MED27: variants seen among roughly 807,000 people sequenced by gnomAD.
MED27 encodes mediator of RNA polymerase II transcription subunit 27.
In MED27, 30 loss-of-function variants were observed where a neutral mutation model predicts 38.2. The observed-to-expected ratio is 0.79, with a 90% CI of 0.59 to 1.07. The LOEUF is 1.07. Ranked by LOEUF, MED27 falls within the 50% of genes least tolerant of loss-of-function variation. The pLI, the probability that MED27 is intolerant of heterozygous loss-of-function variation, is 0.00. For synonymous variants in MED27, 122 were observed against 153.5 expected, an observed-to-expected ratio of 0.79 and a Z score of 1.52; for missense variants, 289 against 397.5, an observed-to-expected ratio of 0.73 and a Z score of 2.32.
chr9:132,005,631 C>T (rs1018103478), intron 3 of MED27, among the ~76,000 whole-genome samples: 9 of 152,202 alleles, frequency 5.9e-5, no homozygotes, highest in African/African-American at 2.2e-4. Context: ...GTATCCCTCT[C>T]TTTTGGCAAC....
At position 132,014,404 on chromosome 9, in the gene MED27, T is replaced by G; in HGVS notation, c.412A>C (p.Asn138His). The G allele has an allele frequency of 6.2e-7, 1 of 1,613,840 alleles. No homozygotes were observed. The highest frequency in any genetic ancestry group is 8.5e-7 in the Non-Finnish European group (1 of 1,179,978). Residue 138 changes from asparagine to histidine, a missense_variant, in exon 3 of 8, where the codon AAT becomes CAT. By Grantham distance (68) the Asn-to-His change is moderately conservative. Transcript: ENST00000292035. ...CGTTTGGCAGATACTCCCATCTGAT[T>G]AGCGGAACGCTTCAATGACTGCTGA... ...LNQQSLKRSA[N>H]QMGVSAKRRP...
chr9:132,054,662 G>A (rs959703771), intron 2 of MED27, among the ~76,000 whole-genome samples: 3 of 151,920 alleles, frequency 2.0e-5, no homozygotes, highest in African/African-American at 4.8e-5. Flanking sequence ...CACTCGCCTC[G>A]GCCTCCCAAA....
intron 3 of MED27, among the ~76,000 whole-genome samples, chr9:131,995,398 A>C (rs930841596): frequency 1.3e-5 from 2 of 152,106 alleles, no homozygotes; most frequent in Admixed American, 6.6e-5. Context: ...CTAGTTGCTA[A>C]TGCCAAAAAA....
chr9:131,945,422 C>T (rs953532156), intron 3 of MED27, among the ~76,000 whole-genome samples: 1 of 152,048 alleles, frequency 6.6e-6, no homozygotes, highest in South Asian at 2.1e-4. Flanking sequence ...ACATATTTAG[C>T]ATTTTTGTGT....
chr9:131,903,055 T>TGA, intron 4 of MED27, among the ~76,000 whole-genome samples: 1 of 150,342 alleles, frequency 6.7e-6, no homozygotes, highest in Middle Eastern at 3.4e-3. Flanking sequence ...ATCTGAACCA[T>TGA]GAGAGTGCTG....
chr9:131,991,227 T>C (rs1176813986), intron 3 of MED27, among the ~76,000 whole-genome samples: 1 of 152,222 alleles, frequency 6.6e-6, no homozygotes, highest in Non-Finnish European at 1.5e-5. Flanking sequence ...GGGACCTAAA[T>C]GCACCTGTGA....
Position 131,900,366 on chromosome 9 carries a change from C to G in MED27, c.574-6374G>C, listed in dbSNP as rs981223232. Among the ~76,000 whole-genome samples the G allele has an allele frequency of 9.9e-5, 15 of 152,178 alleles. 1 individual carries two copies. Among genetic ancestry groups the G allele is most frequent in the Admixed American group, 9.8e-4 (15 of 15,276 alleles). On this transcript the variant is annotated intron_variant, in intron 4 of 7. Coordinates refer to ENST00000292035, the MANE Select transcript of MED27 (RefSeq NM_004269.4). ...TAATCCACTGTGGCAAGGCAAGTCA[C>G]AAGACAGGAAAGGAAAAGTGGGAGG...
Position 131,907,393 on chromosome 9 carries a change from T to C in MED27, c.574-13401A>G, listed in dbSNP as rs561484556. Among the ~76,000 whole-genome samples the C allele has an allele frequency of 1.5e-3, 234 of 152,266 alleles. 3 individuals are homozygous for C. Among genetic ancestry groups the C allele is most frequent in the African/African-American group, 5.2e-3 (218 of 41,556 alleles). ...CCGCCACGCCTGACTGGTTTTCGTA[T>C]TTTTTTGGTGGAGACGGGGTTTCGC... On this transcript the variant is annotated intron_variant, in intron 4 of 7. Transcript: ENST00000292035.
chr9:131,866,468 C>T (rs1434505379), intron 6 of MED27, among the ~76,000 whole-genome samples: 1 of 103,994 alleles, frequency 9.6e-6, no homozygotes, highest in East Asian at 2.1e-4. Flanking sequence ...CTTCCCCCTG[C>T]CTCATACCCA....
chr9:132,037,108 G>A (rs1388940527), intron 2 of MED27, among the ~76,000 whole-genome samples: 3 of 152,142 alleles, frequency 2.0e-5, no homozygotes, highest in Non-Finnish European at 4.4e-5. Flanking sequence ...ACAGGTGAAC[G>A]CTCAGCAAAG....
chr9:131,986,999 A>ATTTTTTTTTTTTT (rs66519112), intron 3 of MED27, among the ~76,000 whole-genome samples: 2 of 46,254 alleles, frequency 4.3e-5, no homozygotes, highest in African/African-American at 1.7e-4. Context: ...GAGTTCATGG[A>ATTTTTTTTTTTTT]TTTTTTTTTT....
chr9:132,030,901 A>G (rs1436243365), intron 2 of MED27, among the ~76,000 whole-genome samples: 1 of 152,268 alleles, frequency 6.6e-6, no homozygotes, highest in Non-Finnish European at 1.5e-5. Context: ...AGAGAGGTCA[A>G]CTACATTTCA....
intron 4 of MED27, among the ~76,000 whole-genome samples, chr9:131,900,838 A>G (rs1829930399): frequency 6.6e-6 from 1 of 152,044 alleles, no homozygotes; most frequent in African/African-American, 2.4e-5. Flanking sequence ...TGTATACAAA[A>G]TAAAAGTCTG....
intron 4 of MED27, among the ~76,000 whole-genome samples, chr9:131,926,842 C>T (rs973888324): frequency 1.3e-5 from 2 of 152,212 alleles, no homozygotes; most frequent in African/African-American, 4.8e-5. Flanking sequence ...AAATGAGTTT[C>T]ATCCTTTGCA....
chr9:131,878,806 C>A (rs1838983545), intron 6 of MED27, among the ~76,000 whole-genome samples: 1 of 152,140 alleles, frequency 6.6e-6, no homozygotes, highest in East Asian at 1.9e-4. Context: ...TGTGATTCTG[C>A]CCTTTCAGAT....
chr9:132,066,511 G>T (rs972746745), intron 2 of MED27, among the ~76,000 whole-genome samples: 1 of 152,248 alleles, frequency 6.6e-6, no homozygotes, highest in African/African-American at 2.4e-5. Flanking sequence ...ACCGTCCCCA[G>T]TGTGATGTGA....
intron 2 of MED27, chr9:132,073,790 A>G: frequency 6.7e-7 from 1 of 1,498,706 alleles, no homozygotes; most frequent in Non-Finnish European, 8.8e-7. Flanking sequence ...AGGTAGCAGC[A>G]GCACCTCGCT....
At chr9:132,054,489 T>C (rs1265043131) in intron 2 of MED27, among the ~76,000 whole-genome samples, 1 of 152,200 alleles carries the variant, frequency 6.6e-6, no homozygotes, top group Non-Finnish European at 1.5e-5. Context: ...GCCGGATTTC[T>C]GCACACTGCA....
chr9:132,009,527 C>T (rs769343989), intron 3 of MED27, among the ~76,000 whole-genome samples: 69 of 152,332 alleles, frequency 4.5e-4, no homozygotes, highest in Non-Finnish European at 7.8e-4. Flanking sequence ...GATATTCAAG[C>T]AGCCTGCGGA....
Sources: gnomAD v4.1 joint callset for allele counts (sites outside exome capture counted in the v4.1 genomes callset) on GRCh38, gnomAD v4.1.1 for gene constraint, MANE v1.5 for transcripts, NCBI Gene and HGNC (gene_info 2026-07-23, HGNC 2026-07-21) for gene names.